ARHGAP26: variants seen among roughly 807,000 people sequenced by gnomAD.
ARHGAP26 encodes rho GTPase-activating protein 26.
Under a neutral mutation model 104.8 loss-of-function variants are expected in ARHGAP26, and 38 were observed. The observed-to-expected ratio is 0.36, with a 90% CI of 0.28 to 0.48. The LOEUF is 0.48. ARHGAP26 is among the 20% of genes least tolerant of loss of function. The pLI, the probability that ARHGAP26 is intolerant of heterozygous loss-of-function variation, is 0.99. For missense variants in ARHGAP26, 704 were observed against 947.9 expected (o/e 0.74, Z 3.38); for synonymous variants, 341 against 340.0 (o/e 1.00, Z -0.03).
At chr5:143,129,449 G>A (rs528363980) in intron 18 of ARHGAP26, among the ~76,000 whole-genome samples, 8 of 152,266 alleles carry the variant, frequency 5.3e-5, no homozygotes, top group Non-Finnish European at 8.8e-5. Flanking sequence ...GCTAGTAAGT[G>A]ACTAAAATCA....
intron 1 of ARHGAP26, among the ~76,000 whole-genome samples, chr5:142,800,763 C>G (rs918291507): frequency 6.6e-6 from 1 of 152,192 alleles, no homozygotes; most frequent in Non-Finnish European, 1.5e-5. Flanking sequence ...TTCTCGTGAA[C>G]CTGGCAGCAC....
In ARHGAP26 at chr5:142,901,976, T is replaced by C. The variant is rs769557826; in HGVS notation, c.639T>C (p.His213=). Residue 213 remains histidine, a synonymous_variant, in exon 7 of 23, where the codon CAT becomes CAC. Coordinates refer to ENST00000645722, the MANE Select transcript of ARHGAP26 (RefSeq NM_001135608.3). ...FLQGLFTFYH[H]GYELAKDFGD... is the part of the protein sequence containing the mutation. ...AAGGACTCTTCACTTTCTATCACCA[T>C]GGTTACGAACTGGCCAAGGATTTCG... 4 of 1,613,934 alleles carry C rather than the reference T, an allele frequency of 2.5e-6. No homozygotes were observed. The highest frequency in any genetic ancestry group is 3.4e-6 in the Non-Finnish European group (4 of 1,179,936).
intron 1 of ARHGAP26, among the ~76,000 whole-genome samples, chr5:142,834,436 A>G (rs1376381474): frequency 6.6e-6 from 1 of 152,266 alleles, no homozygotes; most frequent in Non-Finnish European, 1.5e-5. Flanking sequence ...TAAATTCAAA[A>G]GCCCTAGCTA....
intron 11 of ARHGAP26, among the ~76,000 whole-genome samples, chr5:142,969,098 T>G (rs1165215158): frequency 6.6e-6 from 1 of 152,078 alleles, no homozygotes; most frequent in Non-Finnish European, 1.5e-5. Context: ...TACTCAGCTC[T>G]TTTTATTATT....
chr5:142,831,492 C>G (rs1768422555), intron 1 of ARHGAP26, among the ~76,000 whole-genome samples: 1 of 152,118 alleles, frequency 6.6e-6, no homozygotes, highest in African/African-American at 2.4e-5. Context: ...AGATGTTCAC[C>G]CCTGGCTTGA....
chr5:143,134,991 C>T (rs962758966), intron 19 of ARHGAP26, among the ~76,000 whole-genome samples: 2 of 152,230 alleles, frequency 1.3e-5, no homozygotes, highest in African/African-American at 2.4e-5. Flanking sequence ...GACGTTTACA[C>T]GACACCTACC....
chr5:143,186,941 C>T (rs951468180), intron 20 of ARHGAP26, among the ~76,000 whole-genome samples: 1 of 152,088 alleles, frequency 6.6e-6, no homozygotes. Context: ...AGAGATGGTA[C>T]AAATACCAAG....
In ARHGAP26 at chr5:142,848,707, C is replaced by A. The variant is rs1750929334; in HGVS notation, c.155-24693C>A. 2.0e-5 allele frequency among the ~76,000 whole-genome samples: 3 copies of A among 152,316 alleles called. No homozygotes were observed. In the South Asian group the frequency reaches 6.2e-4, roughly 32 times the overall value. On this transcript the variant is annotated intron_variant, in intron 1 of 22. Coordinates refer to ENST00000645722, the MANE Select transcript of ARHGAP26 (RefSeq NM_001135608.3). Reference sequence around the variant, plus strand: ...AGTTTTGAACATCTGTACCCTAATTCTGTATATGATTCTTTGCATGGTTTT... The same window carrying A: ...AGTTTTGAACATCTGTACCCTAATTATGTATATGATTCTTTGCATGGTTTT...
At chr5:143,076,188 C>T (rs1788991195) in intron 17 of ARHGAP26, among the ~76,000 whole-genome samples, 1 of 139,208 alleles carries the variant, frequency 7.2e-6, no homozygotes, top group Non-Finnish European at 1.5e-5. Context: ...TTTGAAAAGC[C>T]AGTCTCATTA....
At chr5:143,057,345 T>C (rs1026089222) in intron 16 of ARHGAP26, among the ~76,000 whole-genome samples, 4 of 152,204 alleles carry the variant, frequency 2.6e-5, no homozygotes, top group African/African-American at 9.6e-5. Flanking sequence ...ACTCCTGAGT[T>C]TGTTCTCAGG....
intron 6 of ARHGAP26, among the ~76,000 whole-genome samples, chr5:142,898,906 A>T (rs1026469954): frequency 6.6e-6 from 1 of 152,200 alleles, no homozygotes; most frequent in Non-Finnish European, 1.5e-5. Flanking sequence ...GTCTTAGAAC[A>T]ACAGAAATCT....
intron 17 of ARHGAP26, among the ~76,000 whole-genome samples, chr5:143,059,963 T>C (rs997359068): frequency 1.4e-4 from 22 of 152,234 alleles, no homozygotes; most frequent in Admixed American, 1.4e-3. Flanking sequence ...ATGAGCAGTG[T>C]TGAATCCAGT....
chr5:143,003,848 G>A (rs1382912619), intron 11 of ARHGAP26, among the ~76,000 whole-genome samples: 4 of 152,058 alleles, frequency 2.6e-5, no homozygotes, highest in Admixed American at 6.6e-5. Flanking sequence ...ATCTAAGGGC[G>A]CATAGTTCAA....
intron 11 of ARHGAP26, among the ~76,000 whole-genome samples, chr5:142,983,799 A>G (rs56048610): frequency 0.096 from 14,553 of 152,228 alleles, 1,280 homozygotes; most frequent in African/African-American, 0.23. Flanking sequence ...ATGTGTTTAT[A>G]TATATCTAGA....
At chr5:142,869,438 C>G (rs1323129359) in intron 1 of ARHGAP26, among the ~76,000 whole-genome samples, 1 of 151,762 alleles carries the variant, frequency 6.6e-6, no homozygotes, top group African/African-American at 2.4e-5. Flanking sequence ...CCAGACTGGT[C>G]TCGAACTCCT....
chr5:142,849,951 T>A (rs1369718256), intron 1 of ARHGAP26, among the ~76,000 whole-genome samples: 1 of 152,162 alleles, frequency 6.6e-6, no homozygotes, highest in Non-Finnish European at 1.5e-5. Flanking sequence ...CTGCACACAC[T>A]CTTCTCACCA....
chr5:143,083,685 GAT>G, intron 17 of ARHGAP26, among the ~76,000 whole-genome samples: 1 of 152,132 alleles, frequency 6.6e-6, no homozygotes. Flanking sequence ...TTTTAGTAGA[GAT>G]AGGGTTTCAC....
chr5:143,121,248 C>T, intron 18 of ARHGAP26, 101 bp downstream of exon 18: 1 of 1,190,186 alleles, frequency 8.4e-7, no homozygotes, highest in East Asian at 2.5e-5. Flanking sequence ...GCTAATCACT[C>T]TTACACTGTC....
chr5:142,879,740 A>G (rs1314900075), intron 4 of ARHGAP26, among the ~76,000 whole-genome samples: 1 of 152,212 alleles, frequency 6.6e-6, no homozygotes, highest in African/African-American at 2.4e-5. Context: ...CATTTGTGTT[A>G]TTATAATAGA....
Sources: gnomAD v4.1 joint callset for allele counts (sites outside exome capture counted in the v4.1 genomes callset) on GRCh38, gnomAD v4.1.1 for gene constraint, MANE v1.5 for transcripts, NCBI Gene and HGNC (gene_info 2026-07-23, HGNC 2026-07-21) for gene names.